The following SCFD2 variants were observed in gnomAD, a reference collection of about 807,000 sequenced individuals.
SCFD2 encodes the protein sec1 family domain containing 2, also known as sec1 family domain-containing protein 2.
SCFD2 carries 54 observed loss-of-function variants against 58.9 expected under a neutral mutation model. The ratio of observed to expected loss-of-function variants is 0.92; its 90% CI spans 0.74 to 1.15. The LOEUF is 1.15. Ranked by LOEUF, SCFD2 falls within the 50% of genes most tolerant of loss-of-function variation. SCFD2 has a pLI of 0.00. For missense variants in SCFD2, 805 were observed against 836.6 expected (o/e 0.96, Z 0.47); for synonymous variants, 321 against 335.9 (o/e 0.96, Z 0.49).
At chr4:53,044,771 C>G (rs969674894) in intron 5 of SCFD2, among the ~76,000 whole-genome samples, 1 of 151,790 alleles carries the variant, frequency 6.6e-6, no homozygotes, top group African/African-American at 2.4e-5. Flanking sequence ...AGGAAGCAGA[C>G]ACATAATCTG....
intron 5 of SCFD2, among the ~76,000 whole-genome samples, chr4:53,126,736 TTGTGTGGGTGAGCCACACC>T (rs1725640581): frequency 6.6e-6 from 1 of 152,210 alleles, no homozygotes; most frequent in Non-Finnish European, 1.5e-5. Flanking sequence ...AGAGTACAAG[TTGTGTGGGTGAGCCACACC>T]TGCAGGGAAA....
At chr4:53,334,237 C>A (rs936114754) in intron 2 of SCFD2, among the ~76,000 whole-genome samples, 522 of 151,818 alleles carry the variant, frequency 3.4e-3, no homozygotes, top group African/African-American at 0.012. Context: ...TTGACCCAGC[C>A]ATCCCATTAC....
chr4:53,222,164 GT>G (rs1729065880), intron 4 of SCFD2, among the ~76,000 whole-genome samples: 2 of 152,082 alleles, frequency 1.3e-5, no homozygotes, highest in Admixed American at 1.3e-4. Context: ...CCTCACCTTT[GT>G]TTTTCTAACA....
intron 4 of SCFD2, among the ~76,000 whole-genome samples, chr4:53,165,992 A>G (rs925595396): frequency 3.3e-5 from 5 of 152,248 alleles, no homozygotes; most frequent in Non-Finnish European, 7.3e-5. Context: ...AAATTTGACT[A>G]TTCTAGGTAC....
chr4:53,027,471 T>A (rs1353344493), intron 5 of SCFD2, among the ~76,000 whole-genome samples: 2 of 152,234 alleles, frequency 1.3e-5, no homozygotes, highest in African/African-American at 2.4e-5. Context: ...ATTCTTTAAG[T>A]TCTTCACCTG....
intron 2 of SCFD2, among the ~76,000 whole-genome samples, chr4:53,333,626 A>T (rs1173949749): frequency 6.7e-6 from 1 of 149,022 alleles, no homozygotes; most frequent in Non-Finnish European, 1.5e-5. Flanking sequence ...CTTAAACGTT[A>T]GACCTAAAAC....
intron 5 of SCFD2, among the ~76,000 whole-genome samples, chr4:52,969,041 AT>A (rs1481838976): frequency 6.6e-6 from 1 of 152,174 alleles, no homozygotes; most frequent in Non-Finnish European, 1.5e-5. Context: ...ACCCTCCACC[AT>A]TCCCCAGGTG....
chr4:52,886,204 G>T (rs78212111), intron 7 of SCFD2, among the ~76,000 whole-genome samples: 1 of 152,000 alleles, frequency 6.6e-6, no homozygotes, highest in Non-Finnish European at 1.5e-5. Context: ...ATCTTTGAGC[G>T]GTGACTTTGT....
intron 3 of SCFD2, among the ~76,000 whole-genome samples, chr4:53,302,080 T>C (rs972622335): frequency 1.5e-4 from 23 of 152,086 alleles, no homozygotes; most frequent in African/African-American, 5.3e-4. Flanking sequence ...CTATTCAACA[T>C]AGTGTTGGAA....
intron 5 of SCFD2, among the ~76,000 whole-genome samples, chr4:52,999,830 C>A (rs1721826741): frequency 6.6e-6 from 1 of 152,204 alleles, no homozygotes; most frequent in South Asian, 2.1e-4. Context: ...CTGTGAGAGT[C>A]TAAAGAGGTG....
At chr4:53,279,763 G>A (rs535716455) in intron 3 of SCFD2, among the ~76,000 whole-genome samples, 10 of 152,308 alleles carry the variant, frequency 6.6e-5, no homozygotes, top group African/African-American at 2.2e-4. Flanking sequence ...GAGGGCTCAG[G>A]AAACTTACAA....
At position 53,274,077 on chromosome 4, in the gene SCFD2, A is replaced by G. The variant is rs376084757; in HGVS notation, c.1136-76T>C. 76 of 1,256,050 alleles carry G rather than the reference A, an allele frequency of 6.1e-5. No individual in the cohort carries two copies. The East Asian group carries it at 9.3e-4, about 15-fold the overall frequency. 77.8% of individuals were successfully genotyped at this position (1,256,050 alleles called of 1,614,324 possible). On this transcript the variant is annotated intron_variant, in intron 3 of 8. Coordinates refer to ENST00000401642, the MANE Select transcript of SCFD2 (RefSeq NM_152540.4). Reference sequence around the variant, plus strand: ...TAATGAGAAGGATTCCATTAATAATACCACTGTCTTGTATTTGGGCAGAAC... The same window carrying G: ...TAATGAGAAGGATTCCATTAATAATGCCACTGTCTTGTATTTGGGCAGAAC...
In SCFD2 at chr4:52,985,404, T is replaced by C. The variant is rs1200929401; in HGVS notation, c.1562-64534A>G. Reference sequence around the variant, plus strand: ...GCTCCTTATTTATTAATTAGCATTATGTTTCATTCTAATGCTAAAATAGAA... The same window carrying C: ...GCTCCTTATTTATTAATTAGCATTACGTTTCATTCTAATGCTAAAATAGAA... On this transcript the variant is annotated intron_variant, in intron 5 of 8. Transcript: ENST00000401642. 3.3e-5 allele frequency among the ~76,000 whole-genome samples: 5 copies of C among 152,314 alleles called. No homozygotes were observed. In the East Asian group the frequency reaches 7.7e-4, roughly 24 times the overall value.
At chr4:53,248,067 G>C (rs369797877) in intron 4 of SCFD2, among the ~76,000 whole-genome samples, 5 of 152,132 alleles carry the variant, frequency 3.3e-5, no homozygotes, top group African/African-American at 1.2e-4. Flanking sequence ...TGGGTGCAGC[G>C]CACCATGCGC....
chr4:53,065,606 T>C (rs1397560460), intron 5 of SCFD2, among the ~76,000 whole-genome samples: 1 of 152,146 alleles, frequency 6.6e-6, no homozygotes, highest in African/African-American at 2.4e-5. Flanking sequence ...AAGTATGTCA[T>C]AGTATCTTTT....
chr4:53,154,915 T>G (rs1028505157), intron 4 of SCFD2, among the ~76,000 whole-genome samples: 4 of 152,246 alleles, frequency 2.6e-5, no homozygotes, highest in Middle Eastern at 6.8e-3. Flanking sequence ...CCATGAGCCA[T>G]GGAATGCAGG....
intron 3 of SCFD2, among the ~76,000 whole-genome samples, chr4:53,305,790 C>T (rs936970548): frequency 5.3e-5 from 8 of 152,110 alleles, no homozygotes; most frequent in African/African-American, 1.7e-4. Context: ...TATTGAGGAA[C>T]TCTTTAGGTT....
chr4:53,295,005 T>C (rs970949433), intron 3 of SCFD2, among the ~76,000 whole-genome samples: 7 of 152,214 alleles, frequency 4.6e-5, no homozygotes, highest in African/African-American at 1.4e-4. Flanking sequence ...TATATATCTG[T>C]TTTGGTACCA....
intron 5 of SCFD2, among the ~76,000 whole-genome samples, chr4:53,081,848 C>A (rs146462241): frequency 1.1e-3 from 166 of 152,228 alleles, no homozygotes; most frequent in African/African-American, 3.9e-3. Flanking sequence ...TTCTCTACTG[C>A]CCACTCCAAC....
Sources: gnomAD v4.1 joint callset for allele counts (sites outside exome capture counted in the v4.1 genomes callset) on GRCh38, gnomAD v4.1.1 for gene constraint, MANE v1.5 for transcripts, NCBI Gene and HGNC (gene_info 2026-07-23, HGNC 2026-07-21) for gene names.